UGT1A10: variants seen among roughly 807,000 people sequenced by gnomAD.
UGT1A10 encodes the protein UDP-glucuronosyltransferase 1A10.
UGT1A10 carries 49 observed loss-of-function variants against 45.8 expected under a neutral mutation model. The observed-to-expected ratio is 1.07, with a 90% CI of 0.85 to 1.36. UGT1A10 has a LOEUF of 1.36. Among genes scored for constraint, UGT1A10 ranks in the 40% most tolerant of loss-of-function variants. UGT1A10 has a pLI of 0.00. For missense variants in UGT1A10, 745 were observed against 668.6 expected, an observed-to-expected ratio of 1.11 and a Z score of -1.26; for synonymous variants, 284 against 249.7, an observed-to-expected ratio of 1.14 and a Z score of -1.29.
At chr2:233,745,788 G>A (rs1003270220) in intron 1 of UGT1A10, among the ~76,000 whole-genome samples, 1 of 150,764 alleles carries the variant, frequency 6.6e-6, no homozygotes, top group Non-Finnish European at 1.5e-5. Flanking sequence ...AGACAGGGGG[G>A]CTGGGGTCTA....
intron 1 of UGT1A10, chr2:233,761,124 C>T: frequency 1.9e-6 from 3 of 1,614,202 alleles, no homozygotes; most frequent in Non-Finnish European, 2.5e-6. Context: ...GTGGAATCAA[C>T]TGCCTTCACC....
At chr2:233,718,762 A>T in intron 1 of UGT1A10, 1 of 1,612,640 alleles carries the variant, frequency 6.2e-7, no homozygotes, top group African/African-American at 1.3e-5. Context: ...AGGCGAAGGA[A>T]ACAAATGTAG....
At chr2:233,737,218 C>T (rs1437644428) in intron 1 of UGT1A10, among the ~76,000 whole-genome samples, 1 of 152,212 alleles carries the variant, frequency 6.6e-6, no homozygotes, top group African/African-American at 2.4e-5. Context: ...CTGTTCAGTT[C>T]CAGCTTCCTG....
chr2:233,669,126 C>T (rs1489956241), intron 1 of UGT1A10, among the ~76,000 whole-genome samples: 1 of 152,164 alleles, frequency 6.6e-6, no homozygotes, highest in Non-Finnish European at 1.5e-5. Flanking sequence ...GCCTGTGCAC[C>T]TTTGAAAAAA....
intron 1 of UGT1A10, among the ~76,000 whole-genome samples, chr2:233,658,520 G>A (rs546393413): frequency 6.6e-6 from 1 of 152,308 alleles, no homozygotes; most frequent in Non-Finnish European, 1.5e-5. Context: ...CCTGTACCGT[G>A]TGACAGTTTT....
intron 1 of UGT1A10, among the ~76,000 whole-genome samples, chr2:233,731,505 G>T (rs1188245872): frequency 2.6e-5 from 4 of 152,064 alleles, no homozygotes; most frequent in African/African-American, 7.2e-5. Context: ...TTGCTGTTCA[G>T]TTCCCACCTA....
chr2:233,760,186 C>A (rs1697340087), intron 1 of UGT1A10: 1 of 1,558,560 alleles, frequency 6.4e-7, no homozygotes, highest in African/African-American at 1.4e-5. Flanking sequence ...TTTTTATAGT[C>A]ACGTGACACA....
At chr2:233,697,038 T>C (rs772110742) in intron 1 of UGT1A10, among the ~76,000 whole-genome samples, 44 of 151,092 alleles carry the variant, frequency 2.9e-4, no homozygotes, top group Non-Finnish European at 6.2e-4. Context: ...CGCAGTTTTC[T>C]TTTTTTTTGT....
intron 1 of UGT1A10, chr2:233,713,893 A>C (rs774657608): frequency 3.1e-6 from 5 of 1,613,332 alleles, no homozygotes; most frequent in Non-Finnish European, 4.2e-6. Flanking sequence ...TCAATGTTCC[A>C]GGCAAAACAC....
At chr2:233,729,975 C>T in intron 1 of UGT1A10, 1 of 1,614,046 alleles carries the variant, frequency 6.2e-7, no homozygotes, top group Non-Finnish European at 8.5e-7. Context: ...ACTGTGCCAA[C>T]AGGAAGCCAC....
intron 1 of UGT1A10, among the ~76,000 whole-genome samples, chr2:233,759,845 G>C (rs1454775636): frequency 6.6e-6 from 1 of 152,146 alleles, no homozygotes; most frequent in Non-Finnish European, 1.5e-5. Context: ...CACTCTTACA[G>C]GTTTCCATGG....
chr2:233,703,224 C>T (rs546346413), intron 1 of UGT1A10, among the ~76,000 whole-genome samples: 1 of 152,140 alleles, frequency 6.6e-6, no homozygotes, highest in African/African-American at 2.4e-5. Context: ...TTATCTAATT[C>T]CTTGGCATAA....
intron 1 of UGT1A10, chr2:233,719,387 T>C (rs770901552): frequency 8.1e-6 from 13 of 1,613,966 alleles, no homozygotes; most frequent in African/African-American, 1.3e-5. Flanking sequence ...AGTGTCCAAA[T>C]CCTTCCTCCT....
At chr2:233,751,729 C>G (rs1442411823) in intron 1 of UGT1A10, among the ~76,000 whole-genome samples, 1 of 152,154 alleles carries the variant, frequency 6.6e-6, no homozygotes, top group South Asian at 2.1e-4. Flanking sequence ...TGAACTCTTC[C>G]TCTCTGTTTC....
In UGT1A10 at chr2:233,760,763, T is replaced by C. The variant is rs587784539; in HGVS notation, c.856-6271T>C. 4.6e-5 allele frequency: 74 copies of C among 1,613,968 alleles called. 1 individual carries two copies. In the South Asian group the frequency reaches 7.5e-4, roughly 16 times the overall value. ...GACCCTTTCCTTCCTTGCAGCCCCA[T>C]CGTGGCCCAGTACCTGTCTCTGCCC... On this transcript the variant is annotated intron_variant, in intron 1 of 4. Transcript: ENST00000344644.
intron 1 of UGT1A10, among the ~76,000 whole-genome samples, chr2:233,646,180 TG>T (rs2073596652): frequency 6.6e-6 from 1 of 152,164 alleles, no homozygotes; most frequent in African/African-American, 2.4e-5. Context: ...CTGGAGCAGT[TG>T]GGATGCAAGA....
At chr2:233,749,246 T>A (rs765293150) in intron 1 of UGT1A10, among the ~76,000 whole-genome samples, 1 of 151,940 alleles carries the variant, frequency 6.6e-6, no homozygotes, top group East Asian at 1.9e-4. Flanking sequence ...TCAAACCACA[T>A]GATTTTTTTA....
At chr2:233,681,060 C>A (rs2074507937) in intron 1 of UGT1A10, among the ~76,000 whole-genome samples, 1 of 151,794 alleles carries the variant, frequency 6.6e-6, no homozygotes, top group Non-Finnish European at 1.5e-5. Context: ...TTGTGGCTCA[C>A]CTGTGTCACA....
chr2:233,749,588 C>G (rs932170958), intron 1 of UGT1A10, among the ~76,000 whole-genome samples: 1 of 151,804 alleles, frequency 6.6e-6, no homozygotes, highest in African/African-American at 2.4e-5. Context: ...TCTGTCTCAA[C>G]ATGAAGTCAC....
Sources: gnomAD v4.1 joint callset for allele counts (sites outside exome capture counted in the v4.1 genomes callset) on GRCh38, gnomAD v4.1.1 for gene constraint, MANE v1.5 for transcripts, NCBI Gene and HGNC (gene_info 2026-07-23, HGNC 2026-07-21) for gene names.